The following CACNA1E variants were observed in gnomAD, a reference collection of about 807,000 sequenced individuals.
CACNA1E encodes the protein voltage-dependent R-type calcium channel subunit alpha-1E.
A neutral mutation model predicts 259.2 loss-of-function variants in CACNA1E; 40 were observed. The ratio of observed to expected loss-of-function variants is 0.15; its 90% confidence interval spans 0.12 to 0.20. CACNA1E has a LOEUF of 0.20. CACNA1E is among the 10% of genes least tolerant of loss of function. The pLI is 1.00. For synonymous variants in CACNA1E, 1,104 were observed against 1,138.5 expected (o/e 0.97, Z 0.61); for missense variants, 1,874 against 3,040.1 (o/e 0.62, Z 9.02).
At chr1:181,482,620 C>T (rs188492604), upstream of CACNA1E, among the ~76,000 whole-genome samples, 43 of 152,376 alleles carry the variant, frequency 2.8e-4, no homozygotes, top group African/African-American at 1.0e-3. Flanking sequence ...CTCGCTGCGC[C>T]TCTGCGCGCC....
chr1:181,325,289 T>A (rs758251583), intron 1 of CACNA1E, among the ~76,000 whole-genome samples: 4 of 152,130 alleles, frequency 2.6e-5, no homozygotes, highest in Non-Finnish European at 5.9e-5. Flanking sequence ...CACTTCCCTT[T>A]GGGTTTATCA....
At chr1:181,615,750 A>ATTG (rs1311248529) in intron 6 of CACNA1E, among the ~76,000 whole-genome samples, 1 of 90,160 alleles carries the variant, frequency 1.1e-5, no homozygotes, top group Non-Finnish European at 2.5e-5. Flanking sequence ...TTCTCTTATT[A>ATTG]TACTGGCTAG....
At chr1:181,362,530 G>C (rs914332840) in intron 1 of CACNA1E, among the ~76,000 whole-genome samples, 2 of 152,226 alleles carry the variant, frequency 1.3e-5, no homozygotes, top group African/African-American at 4.8e-5. Flanking sequence ...TGATGATACT[G>C]TTTGCCTCAC....
At chr1:181,440,027 A>C (rs1302899138) in intron 2 of CACNA1E, among the ~76,000 whole-genome samples, 1 of 152,216 alleles carries the variant, frequency 6.6e-6, no homozygotes, top group Non-Finnish European at 1.5e-5. Context: ...ATAGGAAATA[A>C]TAAAGACCTA....
At chr1:181,781,690 A>T (rs1275513011) in intron 39 of CACNA1E, among the ~76,000 whole-genome samples, 167 bp downstream of exon 39, 2 of 152,214 alleles carry the variant, frequency 1.3e-5, no homozygotes, top group African/African-American at 2.4e-5. Flanking sequence ...CAGGAGGACG[A>T]ACTCATGAGA....
chr1:181,794,235 T>C (rs930637585), intron 45 of CACNA1E, among the ~76,000 whole-genome samples: 3 of 152,246 alleles, frequency 2.0e-5, no homozygotes, highest in Non-Finnish European at 4.4e-5. Flanking sequence ...TTCCTGTCTG[T>C]CGGTCTTACA....
chr1:181,738,181 C>T (rs1656236909), intron 23 of CACNA1E, among the ~76,000 whole-genome samples, 186 bp from the exon 24 acceptor site: 1 of 152,224 alleles, frequency 6.6e-6, no homozygotes, highest in South Asian at 2.1e-4. Flanking sequence ...AGGGCCCATG[C>T]CCCTCCTTCT....
At chr1:181,393,175 G>A (rs912690867) in intron 1 of CACNA1E, among the ~76,000 whole-genome samples, 8 of 152,198 alleles carry the variant, frequency 5.3e-5, no homozygotes, top group African/African-American at 1.7e-4. Context: ...GCATGCTGTG[G>A]GGGAAGGCTG....
In CACNA1E at chr1:181,580,707, C is replaced by T. The variant is rs764228047; in HGVS notation, c.882C>T (p.Asn294=). Residue 294 remains asparagine (N), a synonymous_variant, in exon 6 of 48, where the codon AAC becomes AAT. Coordinates refer to ENST00000367573, the MANE Select transcript of CACNA1E (RefSeq NM_001205293.3). ...GPNDGITQFD[N]ILFAVLTVFQ... is the part of the protein sequence containing the mutation. ...ATGATGGGATCACCCAGTTTGATAA[C>T]ATCCTTTTTGCTGTGCTGACTGTCT... is the stretch of plus-strand genomic sequence containing the variant. The T allele has an allele frequency of 3.7e-6, 6 of 1,614,024 alleles. No individual in the cohort carries two copies. In the Admixed American group the frequency reaches 6.7e-5, roughly 18 times the overall value.
At chr1:181,639,120 C>T (rs1657510828) in intron 6 of CACNA1E, among the ~76,000 whole-genome samples, 1 of 151,456 alleles carries the variant, frequency 6.6e-6, no homozygotes, top group Non-Finnish European at 1.5e-5. Flanking sequence ...TGGAGTCTCG[C>T]TATGTCTCCC....
At chr1:181,746,136 G>A (rs556145825) in intron 25 of CACNA1E, among the ~76,000 whole-genome samples, 9 of 152,308 alleles carry the variant, frequency 5.9e-5, no homozygotes, top group African/African-American at 2.2e-4. Flanking sequence ...CATGGACCAC[G>A]AGGAAAAATA....
At chr1:181,679,347 G>A (rs1290514424) in intron 7 of CACNA1E, among the ~76,000 whole-genome samples, 1 of 152,124 alleles carries the variant, frequency 6.6e-6, no homozygotes, top group African/African-American at 2.4e-5. Context: ...AGTAAATTGG[G>A]GACTAGGATT....
At chr1:181,416,966 G>A (rs1658319067) in intron 2 of CACNA1E, among the ~76,000 whole-genome samples, 1 of 151,848 alleles carries the variant, frequency 6.6e-6, no homozygotes, top group African/African-American at 2.4e-5. Flanking sequence ...TGACCTCTTG[G>A]TTCCTTAGCC....
intron 6 of CACNA1E, among the ~76,000 whole-genome samples, chr1:181,592,167 T>G (rs1652715316): frequency 6.6e-6 from 1 of 152,196 alleles, no homozygotes; most frequent in Non-Finnish European, 1.5e-5. Flanking sequence ...TAAATGTTAT[T>G]AGCACTCCTT....
At chr1:181,393,569 C>A (rs1227955320) in intron 1 of CACNA1E, among the ~76,000 whole-genome samples, 1 of 152,260 alleles carries the variant, frequency 6.6e-6, no homozygotes, top group Non-Finnish European at 1.5e-5. Flanking sequence ...GCGATCCTCC[C>A]ACCTCACTTC....
chr1:181,681,632 C>T (rs1649982698), intron 7 of CACNA1E, among the ~76,000 whole-genome samples: 1 of 152,170 alleles, frequency 6.6e-6, no homozygotes, highest in South Asian at 2.1e-4. Flanking sequence ...CTATTTCCTA[C>T]AACCCACAGA....
chr1:181,647,468 C>G (rs1479973280), intron 6 of CACNA1E, among the ~76,000 whole-genome samples: 1 of 152,170 alleles, frequency 6.6e-6, no homozygotes, highest in Non-Finnish European at 1.5e-5. Flanking sequence ...AGGCAACCCT[C>G]CTCTCTTGCA....
At chr1:181,672,625 G>A (rs1648926074) in intron 7 of CACNA1E, among the ~76,000 whole-genome samples, 1 of 152,198 alleles carries the variant, frequency 6.6e-6, no homozygotes, top group South Asian at 2.1e-4. Context: ...GCTCCAGAGA[G>A]GAAGGTCTTC....
chr1:181,667,586 A>G (rs928845920), intron 7 of CACNA1E, among the ~76,000 whole-genome samples: 1 of 152,178 alleles, frequency 6.6e-6, no homozygotes, highest in African/African-American at 2.4e-5. Context: ...AAATGGTACA[A>G]ATACATAAGG....
Sources: gnomAD v4.1 joint callset for allele counts (sites outside exome capture counted in the v4.1 genomes callset) on GRCh38, gnomAD v4.1.1 for gene constraint, MANE v1.5 for transcripts, NCBI Gene and HGNC (gene_info 2026-07-23, HGNC 2026-07-21) for gene names.